KCNMB2: variants seen among roughly 807,000 people sequenced by gnomAD.
KCNMB2 encodes calcium-activated potassium channel subunit beta-2.
In KCNMB2, 9 loss-of-function variants were observed where a neutral mutation model predicts 24.5. That is an observed-to-expected ratio of 0.37 (90% CI 0.22 to 0.64). KCNMB2 has a LOEUF of 0.64. Among genes scored for constraint, KCNMB2 ranks in the 30% least tolerant of loss-of-function variants. The pLI is 0.63. For missense variants in KCNMB2, 226 were observed against 284.3 expected (o/e 0.79, Z 1.47); for synonymous variants, 109 against 104.4 (o/e 1.04, Z -0.27).
intron 4 of KCNMB2, among the ~76,000 whole-genome samples, chr3:178,839,745 G>C (rs1486942274): frequency 2.0e-5 from 3 of 152,108 alleles, no homozygotes; most frequent in African/African-American, 7.2e-5. Context: ...ATTATCATGA[G>C]AACAGCATGG....
chr3:178,706,935 C>A (rs1722296946), intron 1 of KCNMB2, among the ~76,000 whole-genome samples: 1 of 152,120 alleles, frequency 6.6e-6, no homozygotes, highest in Non-Finnish European at 1.5e-5. Flanking sequence ...GTGCAGCAAA[C>A]CACCATGGCA....
At chr3:178,709,565 C>T (rs1722385646) in intron 1 of KCNMB2, among the ~76,000 whole-genome samples, 1 of 152,066 alleles carries the variant, frequency 6.6e-6, no homozygotes, top group Non-Finnish European at 1.5e-5. Context: ...AGTACGATTC[C>T]CTAACTCAAA....
intron 1 of KCNMB2, among the ~76,000 whole-genome samples, chr3:178,592,751 C>T (rs1717720943): frequency 6.6e-6 from 1 of 152,038 alleles, no homozygotes; most frequent in Non-Finnish European, 1.5e-5. Context: ...AAGTATGGCA[C>T]ATAGACCATC....
At chr3:178,723,105 T>C (rs2108360278) in intron 1 of KCNMB2, among the ~76,000 whole-genome samples, 1 of 152,348 alleles carries the variant, frequency 6.6e-6, no homozygotes, top group East Asian at 1.9e-4. Context: ...CACATTGTCT[T>C]ACTATAGCAT....
At chr3:178,780,804 A>G (rs920870817) in intron 1 of KCNMB2, among the ~76,000 whole-genome samples, 6 of 152,368 alleles carry the variant, frequency 3.9e-5, no homozygotes, top group African/African-American at 1.4e-4. Context: ...AGGGTTATCA[A>G]TGTAATACAT....
At chr3:178,783,173 CA>C (rs1486745704) in intron 1 of KCNMB2, among the ~76,000 whole-genome samples, 1 of 152,088 alleles carries the variant, frequency 6.6e-6, no homozygotes, top group African/African-American at 2.4e-5. Flanking sequence ...GTACCAGTAC[CA>C]TGCTGTTTTG....
chr3:178,654,167 AT>A (rs1189363671), intron 1 of KCNMB2, among the ~76,000 whole-genome samples: 2 of 152,024 alleles, frequency 1.3e-5, no homozygotes, highest in East Asian at 3.8e-4. Context: ...TTATAAACTT[AT>A]TTTATATCTG....
At chr3:178,580,799 C>T (rs1388029580) in intron 1 of KCNMB2, among the ~76,000 whole-genome samples, 1 of 152,044 alleles carries the variant, frequency 6.6e-6, no homozygotes, top group African/African-American at 2.4e-5. Flanking sequence ...ACCTAGGAAT[C>T]CAAATTACAA....
intron 1 of KCNMB2, among the ~76,000 whole-genome samples, chr3:178,687,038 G>A (rs1251151771): frequency 6.6e-6 from 1 of 152,112 alleles, no homozygotes; most frequent in Non-Finnish European, 1.5e-5. Context: ...GAGCATGCTT[G>A]ATTTAGAAAA....
intron 1 of KCNMB2, among the ~76,000 whole-genome samples, chr3:178,771,980 T>C (rs1179959782): frequency 6.6e-6 from 1 of 152,140 alleles, no homozygotes; most frequent in Middle Eastern, 3.2e-3. Flanking sequence ...ATTTCTTACC[T>C]ACTCACTCCA....
chr3:178,616,952 C>G (rs938178322), intron 1 of KCNMB2, among the ~76,000 whole-genome samples: 1 of 152,184 alleles, frequency 6.6e-6, no homozygotes, highest in African/African-American at 2.4e-5. Flanking sequence ...CCATTTTCTT[C>G]CCTGTAGACA....
intron 1 of KCNMB2, among the ~76,000 whole-genome samples, chr3:178,595,926 G>A (rs6802388): frequency 0.03 from 4,611 of 152,096 alleles, 250 homozygotes; most frequent in African/African-American, 0.11. Context: ...CAGATGCTCT[G>A]TGTGTGGATC....
intron 1 of KCNMB2, among the ~76,000 whole-genome samples, chr3:178,579,226 C>G (rs2108487519): frequency 6.6e-6 from 1 of 152,312 alleles, no homozygotes; most frequent in East Asian, 1.9e-4. Flanking sequence ...TCACTCAAAA[C>G]CACACAACTA....
chr3:178,811,350 T>C (rs900757103), intron 2 of KCNMB2, among the ~76,000 whole-genome samples: 4 of 152,144 alleles, frequency 2.6e-5, no homozygotes, highest in Admixed American at 1.3e-4. Context: ...TCAATCAATA[T>C]CCTGAATTTT....
At chr3:178,804,141 A>G (rs1464930252) in intron 1 of KCNMB2, among the ~76,000 whole-genome samples, 1 of 152,204 alleles carries the variant, frequency 6.6e-6, no homozygotes, top group Admixed American at 6.5e-5. Flanking sequence ...AAATTACAAA[A>G]TTGTGTAAAG....
intron 1 of KCNMB2, among the ~76,000 whole-genome samples, chr3:178,630,846 T>C (rs1363395272): frequency 2.0e-5 from 3 of 152,334 alleles, no homozygotes; most frequent in Non-Finnish European, 4.4e-5. Context: ...TAAGAACTCT[T>C]AAGAGCTCTT....
chr3:178,733,317 G>A (rs1723212427), intron 1 of KCNMB2, among the ~76,000 whole-genome samples: 1 of 152,162 alleles, frequency 6.6e-6, no homozygotes, highest in African/African-American at 2.4e-5. Context: ...CTGGAGTAGA[G>A]TGAGCTGGGG....
At chr3:178,827,617 T>A (rs915161704) in intron 3 of KCNMB2, among the ~76,000 whole-genome samples, 3 of 152,232 alleles carry the variant, frequency 2.0e-5, no homozygotes, top group Admixed American at 2.0e-4. Flanking sequence ...GGTTGAGTTA[T>A]CTTTTTTCCC....
At chr3:178,726,249 A>G (rs1311335202) in intron 1 of KCNMB2, among the ~76,000 whole-genome samples, 2 of 151,952 alleles carry the variant, frequency 1.3e-5, no homozygotes, top group Non-Finnish European at 2.9e-5. Flanking sequence ...TATTTTATAT[A>G]TGACATCTGC....
Sources: allele counts gnomAD v4.1 joint callset (sites outside exome capture counted in the v4.1 genomes callset), GRCh38; gene constraint gnomAD v4.1.1; transcripts MANE v1.5; gene names NCBI Gene and HGNC (gene_info 2026-07-23, HGNC 2026-07-21).